MINDY4B: variants seen among roughly 807,000 people sequenced by gnomAD.
MINDY4B encodes inactive ubiquitin carboxyl-terminal hydrolase MINDY-4B.
A neutral mutation model predicts 16.7 loss-of-function variants in MINDY4B; 25 were observed. That is an observed-to-expected ratio of 1.49 (90% CI 1.09 to 2.09). The LOEUF is 2.09. Ranked by LOEUF, MINDY4B falls within the 30% of genes most tolerant of loss-of-function variation. MINDY4B has a pLI of 0.00. For synonymous variants in MINDY4B, 132 were observed against 61.9 expected (o/e 2.13, Z -5.32); for missense variants, 327 against 168.4 (o/e 1.94, Z -5.21).
intron 7 of MINDY4B, among the ~76,000 whole-genome samples, chr3:150,886,775 C>T (rs1171468309): frequency 6.6e-6 from 1 of 152,142 alleles, no homozygotes; most frequent in Non-Finnish European, 1.5e-5. Context: ...CTCCTGCCTC[C>T]CGCTTTCCCT....
chr3:150,888,239 T>C (rs1054293553), intron 7 of MINDY4B, among the ~76,000 whole-genome samples: 1 of 152,154 alleles, frequency 6.6e-6, no homozygotes, highest in Non-Finnish European at 1.5e-5. Flanking sequence ...CAGCTTCCAT[T>C]ATCACATGGT....
chr3:150,871,813 C>T (rs932228686), intron 11 of MINDY4B, among the ~76,000 whole-genome samples: 4 of 152,168 alleles, frequency 2.6e-5, no homozygotes, highest in Non-Finnish European at 4.4e-5. Flanking sequence ...CCACTGCACT[C>T]CAGCCTGGGC....
At chr3:150,872,809 G>C (rs990707003) in intron 11 of MINDY4B, among the ~76,000 whole-genome samples, 7 of 152,262 alleles carry the variant, frequency 4.6e-5, no homozygotes, top group Middle Eastern at 6.8e-3. Flanking sequence ...TTGTGAGATA[G>C]CATCAGCCAA....
At chr3:150,890,859 T>G in intron 6 of MINDY4B, 79 bp downstream of exon 6, 1 of 666,622 alleles carries the variant, frequency 1.5e-6, no homozygotes, top group South Asian at 1.6e-5. Context: ...GGGCCCCACC[T>G]GCATACACAT....
At chr3:150,897,118 T>A (rs896725421) in intron 3 of MINDY4B, among the ~76,000 whole-genome samples, 12 of 152,228 alleles carry the variant, frequency 7.9e-5, no homozygotes, top group Admixed American at 6.5e-4. Flanking sequence ...CTCAAGGATA[T>A]GTAACACGTT....
intron 8 of MINDY4B, among the ~76,000 whole-genome samples, chr3:150,884,554 A>C (rs948152664): frequency 7.9e-5 from 12 of 152,222 alleles, no homozygotes; most frequent in Non-Finnish European, 1.6e-4. Flanking sequence ...TACATGACTT[A>C]AAGGACATTA....
intron 3 of MINDY4B, among the ~76,000 whole-genome samples, chr3:150,897,665 G>A (rs1183774426): frequency 6.6e-6 from 1 of 152,122 alleles, no homozygotes; most frequent in Non-Finnish European, 1.5e-5. Flanking sequence ...TTTATTTCCC[G>A]GCCATCTCTA....
chr3:150,895,252 C>T (rs1711929996), intron 3 of MINDY4B, among the ~76,000 whole-genome samples: 1 of 152,162 alleles, frequency 6.6e-6, no homozygotes, highest in Admixed American at 6.5e-5. Context: ...TTTACCCATT[C>T]TCTTAACACC....
chr3:150,878,553 G>T (rs77467650), intron 10 of MINDY4B, among the ~76,000 whole-genome samples: 2,667 of 152,230 alleles, frequency 0.018, 57 homozygotes, highest in African/African-American at 0.061. Flanking sequence ...TATCTCTCTG[G>T]GGAGAGAACA....
chr3:150,871,087 G>GCTCCACTTGGTTCTGATTGCCAT lies in MINDY4B; in HGVS notation c.1318_1340dup (p.Ser447ArgfsTer74). 1.4e-6 allele frequency: 1 copy of GCTCCACTTGGTTCTGATTGCCAT among 702,828 alleles called. No individual in the cohort carries two copies. The highest frequency in any genetic ancestry group is 2.6e-6 in the Non-Finnish European group (1 of 384,846). The allele number at this position is 702,828 out of a possible 1,614,324, so 43.5% of individuals were successfully genotyped here. On this transcript the variant is annotated frameshift_variant, in exon 12 of 12. Transcript: ENST00000465419. LOFTEE classifies it high-confidence loss of function. Reference sequence around the variant, plus strand: ...TCCCATTCCAGTTGATGGTGGCCTCGCTCCACTTGGTTCTGATTGCCATCT... The same window carrying GCTCCACTTGGTTCTGATTGCCAT: ...TCCCATTCCAGTTGATGGTGGCCTCGCTCCACTTGGTTCTGATTGCCATCTCCACTTGGTTCTGATTGCCATCT...
At chr3:150,882,499 C>G (rs112067162) in intron 10 of MINDY4B, among the ~76,000 whole-genome samples, 2 of 106,044 alleles carry the variant, frequency 1.9e-5, no homozygotes, top group African/African-American at 7.4e-5. Flanking sequence ...AACAGTATTT[C>G]TGTGAAGGGG....
At chr3:150,892,267 C>T (rs574013393) in intron 5 of MINDY4B, among the ~76,000 whole-genome samples, 1 of 152,350 alleles carries the variant, frequency 6.6e-6, no homozygotes, top group East Asian at 1.9e-4. Context: ...CCCGAGCTCC[C>T]ATGGCATCAG....
At chr3:150,891,896 G>A (rs565278225) in intron 5 of MINDY4B, among the ~76,000 whole-genome samples, 1 of 152,096 alleles carries the variant, frequency 6.6e-6, no homozygotes, top group African/African-American at 2.4e-5. Flanking sequence ...GCTCAGGAAG[G>A]CTTCGTGCAG....
At chr3:150,897,811 A>C (rs1712017100) in intron 3 of MINDY4B, among the ~76,000 whole-genome samples, 1 of 152,254 alleles carries the variant, frequency 6.6e-6, no homozygotes, top group Non-Finnish European at 1.5e-5. Context: ...AGAGGCAGCG[A>C]ACAGGCACAG....
chr3:150,888,680 A>G lies in MINDY4B; in HGVS notation c.753+1640T>C, dbSNP rs549563318. Among the ~76,000 whole-genome samples, 13 of 152,254 alleles carry G rather than the reference A, an allele frequency of 8.5e-5. No individual in the cohort carries two copies. In the South Asian group the frequency reaches 2.5e-3, roughly 29 times the overall value. On this transcript the variant is annotated intron_variant, in intron 7 of 11. Transcript: ENST00000465419. ...CAGGAAATGGCACCAGCCCTTCCCT[A>G]GTGTGGCTAAGGTAATGTTTAGCTC...
chr3:150,899,793 T>C (rs552416756), intron 3 of MINDY4B, among the ~76,000 whole-genome samples: 3 of 152,288 alleles, frequency 2.0e-5, no homozygotes, highest in African/African-American at 7.2e-5. Context: ...CCAGAGGCAC[T>C]GAATTCATTA....
At chr3:150,897,988 G>T (rs1290037030) in intron 3 of MINDY4B, among the ~76,000 whole-genome samples, 2 of 152,214 alleles carry the variant, frequency 1.3e-5, no homozygotes, top group African/African-American at 4.8e-5. Flanking sequence ...AGAAGCCCCA[G>T]TTCTGCTCCT....
chr3:150,896,123 G>A (rs1225813395), intron 3 of MINDY4B, among the ~76,000 whole-genome samples: 5 of 151,820 alleles, frequency 3.3e-5, no homozygotes, highest in African/African-American at 9.7e-5. Flanking sequence ...CCTTGTCTTC[G>A]AGCTCCAAAT....
intron 7 of MINDY4B, 82 bp from the exon 8 acceptor site, chr3:150,885,520 A>C (rs1711599929): frequency 1.5e-6 from 1 of 682,328 alleles, no homozygotes; most frequent in African/African-American, 1.8e-5. Context: ...TCAAGGATTT[A>C]CAGGCTGAGA....
Sources: allele counts gnomAD v4.1 joint callset (sites outside exome capture counted in the v4.1 genomes callset), GRCh38; gene constraint gnomAD v4.1.1; transcripts MANE v1.5; gene names NCBI Gene and HGNC (gene_info 2026-07-23, HGNC 2026-07-21).